The following RAD51B variants were observed in gnomAD, a reference collection of about 807,000 sequenced individuals.
RAD51B encodes DNA repair protein RAD51 homolog 2.
In RAD51B, 38 loss-of-function variants were observed where a neutral mutation model predicts 42.2. The observed-to-expected ratio is 0.90, with a 90% confidence interval of 0.70 to 1.18. The LOEUF is 1.18. Ranked by LOEUF, RAD51B falls within the 50% of genes most tolerant of loss-of-function variation. The pLI is 0.00. For missense variants in RAD51B, 373 were observed against 400.7 expected, an observed-to-expected ratio of 0.93 and a Z score of 0.59; for synonymous variants, 154 against 145.2, an observed-to-expected ratio of 1.06 and a Z score of -0.43.
At chr14:68,532,253 T>C (rs1887359005) in intron 10 of RAD51B, among the ~76,000 whole-genome samples, 1 of 151,908 alleles carries the variant, frequency 6.6e-6, no homozygotes, top group Admixed American at 6.6e-5. Flanking sequence ...CAGAAATTAA[T>C]GGAAAAGAAA....
intron 7 of RAD51B, among the ~76,000 whole-genome samples, chr14:68,180,543 A>G (rs992554498): frequency 3.9e-5 from 6 of 152,150 alleles, no homozygotes; most frequent in African/African-American, 1.2e-4. Flanking sequence ...TATATATTTA[A>G]TACTTACAAC....
At chr14:68,505,546 CTTTTTTT>C (rs34764928) in intron 10 of RAD51B, among the ~76,000 whole-genome samples, 2 of 112,092 alleles carry the variant, frequency 1.8e-5, no homozygotes, top group African/African-American at 3.5e-5. Flanking sequence ...ATTAGCCAAT[CTTTTTTT>C]TTTTTTTTTT....
At chr14:67,986,314 T>C (rs948648817) in intron 7 of RAD51B, among the ~76,000 whole-genome samples, 3 of 152,196 alleles carry the variant, frequency 2.0e-5, no homozygotes, top group Non-Finnish European at 4.4e-5. Context: ...ATCAGATTAA[T>C]TAACTCTCAG....
intron 7 of RAD51B, among the ~76,000 whole-genome samples, chr14:68,176,136 C>A (rs2140871590): frequency 6.6e-6 from 1 of 152,274 alleles, no homozygotes; most frequent in Non-Finnish European, 1.5e-5. Context: ...GCCAACTCAC[C>A]AATCTAGCTA....
intron 7 of RAD51B, among the ~76,000 whole-genome samples, chr14:68,061,512 T>C (rs2076568817): frequency 6.6e-6 from 1 of 152,212 alleles, no homozygotes; most frequent in African/African-American, 2.4e-5. Flanking sequence ...TTTTTTAGTC[T>C]GTCAATTATG....
At chr14:68,619,909 A>C (rs969290385) in intron 10 of RAD51B, among the ~76,000 whole-genome samples, 2 of 152,220 alleles carry the variant, frequency 1.3e-5, no homozygotes, top group Non-Finnish European at 2.9e-5. Flanking sequence ...TGGCAAGCCT[A>C]TTCAGTCTCC....
In RAD51B at chr14:67,835,063, A is replaced by G. The variant is rs1479559769; in HGVS notation, c.199-17A>G. 6.3e-7 allele frequency: 1 copy of G among 1,576,478 alleles called. No individual in the cohort carries two copies. The highest frequency in any genetic ancestry group is 2.2e-5 in the East Asian group (1 of 44,692). ...TATATAGAGGTTGAAAAAAAACTTA[A>G]TCATTTTCTTGTTTAGGCTTATGGG... is the stretch of plus-strand genomic sequence containing the variant. On this transcript the variant is annotated splice_polypyrimidine_tract_variant and intron_variant, in intron 3 of 10. Transcript: ENST00000471583.
At chr14:68,422,109 G>A in intron 9 of RAD51B, 1 of 1,470,464 alleles carries the variant, frequency 6.8e-7, no homozygotes, top group East Asian at 2.3e-5. Context: ...GCTGTCTTTG[G>A]GATCTTGTCT....
chr14:68,219,198 C>G (rs1238491618), intron 7 of RAD51B, among the ~76,000 whole-genome samples: 1 of 152,154 alleles, frequency 6.6e-6, no homozygotes, highest in African/African-American at 2.4e-5. Context: ...TTTTTTTCTC[C>G]CATGAGGATG....
In RAD51B at chr14:67,823,624, T is replaced by C. The variant is rs958421979; in HGVS notation, c.81T>C (p.Cys27=). 3.1e-6 allele frequency: 5 copies of C among 1,608,698 alleles called. No individual in the cohort carries two copies. The African/African-American group carries it at 4.0e-5, about 13-fold the overall frequency. ...DRLSRHQILT[C]QDFLCLSPLE... ...TGAGTAGACATCAGATCCTTACCTG[T>C]CAGGTAAATTTTATTTAACATTTTT... Residue 27 remains cysteine, a synonymous_variant, in exon 2 of 11, where the codon TGT becomes TGC. Coordinates refer to ENST00000471583, the MANE Select transcript of RAD51B (RefSeq NM_133510.4).
At chr14:68,293,173 C>A (rs922069230) in intron 8 of RAD51B, among the ~76,000 whole-genome samples, 5 of 152,186 alleles carry the variant, frequency 3.3e-5, no homozygotes, top group African/African-American at 1.2e-4. Flanking sequence ...CCCCGTCTGG[C>A]CTTGTTCTGC....
At chr14:67,972,989 G>T (rs894266164) in intron 7 of RAD51B, among the ~76,000 whole-genome samples, 1 of 152,092 alleles carries the variant, frequency 6.6e-6, no homozygotes, top group African/African-American at 2.4e-5. Flanking sequence ...GTTAGTTTCA[G>T]GGCATCTTAT....
At chr14:68,497,667 A>G in intron 10 of RAD51B, 1 of 444,972 alleles carries the variant, frequency 2.2e-6, no homozygotes, top group East Asian at 5.9e-5. Context: ...ACCCATAACC[A>G]TTATGCAAGT....
At chr14:67,882,445 T>C (rs2042936450) in intron 5 of RAD51B, among the ~76,000 whole-genome samples, 1 of 152,218 alleles carries the variant, frequency 6.6e-6, no homozygotes, top group Admixed American at 6.5e-5. Flanking sequence ...CAATCCCTAA[T>C]ATCATCTGGT....
chr14:67,835,138 C>A lies in RAD51B; in HGVS notation c.257C>A (p.Thr86Asn), dbSNP rs1452464503. The A allele has an allele frequency of 6.2e-7, 1 of 1,614,040 alleles. No homozygotes were observed. The part of the protein sequence containing the change: ...ADFSPAFLST[T>N]LSALDEALHG... ...TTCTCACCAGCATTCTTATCTACTA[C>A]CCTTTCTGCTTTGGACGAAGCCCTG... Residue 86 changes from threonine (T) to asparagine (N), a missense_variant, in exon 4 of 11, where the codon ACC becomes AAC. Physicochemically the swap from Thr to Asn is moderately conservative, Grantham distance 65. Transcript: ENST00000471583.
At chr14:67,995,260 A>C (rs1301464457) in intron 7 of RAD51B, among the ~76,000 whole-genome samples, 1 of 151,914 alleles carries the variant, frequency 6.6e-6, no homozygotes, top group African/African-American at 2.4e-5. Flanking sequence ...GTTGGCACGC[A>C]CCTGTAGTCC....
intron 10 of RAD51B, among the ~76,000 whole-genome samples, chr14:68,566,198 T>C (rs1364912097): frequency 6.6e-6 from 1 of 152,218 alleles, no homozygotes. Context: ...TCGGGGAGTG[T>C]GTCTGTTTTC....
chr14:68,604,191 C>T (rs1891342211), intron 10 of RAD51B, among the ~76,000 whole-genome samples: 2 of 152,178 alleles, frequency 1.3e-5, no homozygotes, highest in South Asian at 4.1e-4. Flanking sequence ...GCGAGAGTGG[C>T]TGGAGAAGGT....
intron 7 of RAD51B, among the ~76,000 whole-genome samples, chr14:68,168,372 A>G (rs1180480796): frequency 1.3e-5 from 2 of 152,108 alleles, no homozygotes. Context: ...GCCCATATAC[A>G]TATACCATGG....
Sources: allele counts gnomAD v4.1 joint callset (sites outside exome capture counted in the v4.1 genomes callset), GRCh38; gene constraint gnomAD v4.1.1; transcripts MANE v1.5; gene names NCBI Gene and HGNC (gene_info 2026-07-23, HGNC 2026-07-21).